The following IKZF2 variants were observed in gnomAD, a reference collection of about 807,000 sequenced individuals.
IKZF2 encodes the protein IKAROS family zinc finger 2, also known as zinc finger protein Helios.
In IKZF2, 15 loss-of-function variants were observed where a neutral mutation model predicts 49.2. The ratio of observed to expected loss-of-function variants is 0.30; its 90% confidence interval spans 0.20 to 0.47. The LOEUF (loss-of-function observed/expected upper bound fraction) is 0.47. Among genes scored for constraint, IKZF2 ranks in the 20% least tolerant of loss-of-function variants. IKZF2 has a pLI of 1.00. For synonymous variants in IKZF2, 227 were observed against 221.4 expected (o/e 1.03, Z -0.23); for missense variants, 567 against 664.6 (o/e 0.85, Z 1.61).
At chr2:213,132,152 C>T (rs1019633913) in intron 4 of IKZF2, among the ~76,000 whole-genome samples, 1 of 151,978 alleles carries the variant, frequency 6.6e-6, no homozygotes, top group Non-Finnish European at 1.5e-5. Context: ...AGATACTATC[C>T]CAGTCGGTTA....
Position 213,000,192 on chromosome 2 carries a change from CTACAT to C in IKZF2, c.*7163_*7167del, listed in dbSNP as rs1264292692. The C allele has an allele frequency of 7.1e-6, 1 of 141,442 alleles. No homozygotes were observed. Among genetic ancestry groups the C allele is most frequent in the Non-Finnish European group, 1.6e-5 (1 of 63,832 alleles). The allele number at this position is 141,442 out of a possible 1,614,324, so 8.8% of individuals were successfully genotyped here. On this transcript the variant is annotated 3_prime_UTR_variant, in exon 9 of 9. Coordinates refer to ENST00000434687, the MANE Select transcript of IKZF2 (RefSeq NM_001387220.1). ...GTATGGTATTTGAGCCTTAAAAAAA[CTACAT>C]TACACTTAGCAAACCTGACATACAA...
At chr2:213,028,249 A>G (rs918362006) in intron 6 of IKZF2, among the ~76,000 whole-genome samples, 10 of 152,094 alleles carry the variant, frequency 6.6e-5, no homozygotes, top group Non-Finnish European at 1.5e-4. Context: ...ATTAACCTCT[A>G]TGTCTATACT....
chr2:213,051,955 ACCT>A (rs1700715463), intron 5 of IKZF2, among the ~76,000 whole-genome samples: 1 of 151,902 alleles, frequency 6.6e-6, no homozygotes. Flanking sequence ...TTTCCTTTAA[ACCT>A]CCTACAATGT....
At chr2:213,045,021 T>C (rs1325274678) in intron 6 of IKZF2, among the ~76,000 whole-genome samples, 1 of 152,222 alleles carries the variant, frequency 6.6e-6, no homozygotes, top group Non-Finnish European at 1.5e-5. Context: ...TATTTCAACA[T>C]GTAGCACTAG....
At chr2:213,080,154 A>T (rs1369365767) in intron 4 of IKZF2, among the ~76,000 whole-genome samples, 2 of 152,070 alleles carry the variant, frequency 1.3e-5, no homozygotes, top group African/African-American at 4.8e-5. Context: ...TTTACCCTGA[A>T]GTATATATTT....
intron 6 of IKZF2, among the ~76,000 whole-genome samples, chr2:213,043,333 C>A (rs941153958): frequency 6.6e-6 from 1 of 152,006 alleles, no homozygotes; most frequent in Non-Finnish European, 1.5e-5. Flanking sequence ...TTGTTACCAA[C>A]CTACTAAATG....
At chr2:213,067,155 C>T (rs1702238765) in intron 4 of IKZF2, among the ~76,000 whole-genome samples, 1 of 152,032 alleles carries the variant, frequency 6.6e-6, no homozygotes, top group African/African-American at 2.4e-5. Context: ...ACAACAGCTG[C>T]CTCCTAGGGT....
intron 5 of IKZF2, among the ~76,000 whole-genome samples, chr2:213,050,386 C>T (rs1440167485): frequency 6.6e-6 from 1 of 152,116 alleles, no homozygotes; most frequent in African/African-American, 2.4e-5. Flanking sequence ...CTTTCTTTTA[C>T]CATGCTATCT....
At chr2:213,045,171 C>T (rs1328402984) in intron 6 of IKZF2, among the ~76,000 whole-genome samples, 1 of 152,076 alleles carries the variant, frequency 6.6e-6, no homozygotes, top group African/African-American at 2.4e-5. Flanking sequence ...AGTAGTGAAA[C>T]CATCAGAAAA....
intron 4 of IKZF2, among the ~76,000 whole-genome samples, chr2:213,082,866 T>C (rs1237651770): frequency 6.6e-6 from 1 of 152,200 alleles, no homozygotes; most frequent in Non-Finnish European, 1.5e-5. Flanking sequence ...TTCACTACTT[T>C]TGACAGTTCA....
chr2:213,142,017 T>C (rs1473776433), intron 4 of IKZF2, among the ~76,000 whole-genome samples: 1 of 152,050 alleles, frequency 6.6e-6, no homozygotes, highest in Non-Finnish European at 1.5e-5. Flanking sequence ...TGAGAATTTA[T>C]GGTACTACCA....
At chr2:213,033,108 A>G (rs1374106443) in intron 6 of IKZF2, among the ~76,000 whole-genome samples, 1 of 152,230 alleles carries the variant, frequency 6.6e-6, no homozygotes. Flanking sequence ...TTCGATCTCA[A>G]GAAACCACTT....
At chr2:213,152,116 T>TA (rs1473214138), upstream of IKZF2, 1 of 152,152 alleles carries the variant, frequency 6.6e-6, no homozygotes, top group Non-Finnish European at 1.5e-5. Flanking sequence ...CGTGTCATAA[T>TA]AAATCTCACG....
At chr2:213,046,397 A>C (rs12612034) in intron 6 of IKZF2, among the ~76,000 whole-genome samples, 56,491 of 152,028 alleles carry the variant, frequency 0.37, 13,000 homozygotes, top group East Asian at 0.67. Context: ...GTATGGCCTC[A>C]TGGGGTATTC....
At chr2:213,053,040 TTGTC>T (rs1700821364) in intron 5 of IKZF2, among the ~76,000 whole-genome samples, 1 of 152,094 alleles carries the variant, frequency 6.6e-6, no homozygotes, top group African/African-American at 2.4e-5. Context: ...AGTTTAGACT[TTGTC>T]TGAAAAAAAT....
intron 4 of IKZF2, among the ~76,000 whole-genome samples, chr2:213,141,756 A>C (rs1157295139): frequency 6.6e-6 from 1 of 151,960 alleles, no homozygotes; most frequent in Non-Finnish European, 1.5e-5. Flanking sequence ...GTCCCACTAG[A>C]GTATGAGTTC....
intron 4 of IKZF2, among the ~76,000 whole-genome samples, chr2:213,088,094 A>G (rs945089456): frequency 6.6e-6 from 1 of 152,164 alleles, no homozygotes; most frequent in Non-Finnish European, 1.5e-5. Context: ...GTCTTCCACA[A>G]TGGTTGAACT....
chr2:213,124,640 A>T (rs2060197878), intron 4 of IKZF2, among the ~76,000 whole-genome samples: 3 of 152,246 alleles, frequency 2.0e-5, no homozygotes, highest in African/African-American at 4.8e-5. Context: ...TCAGTTTCCC[A>T]TGTGTAGAAA....
At chr2:213,101,014 T>C (rs571978643) in intron 4 of IKZF2, among the ~76,000 whole-genome samples, 11 of 151,694 alleles carry the variant, frequency 7.3e-5, no homozygotes, top group African/African-American at 2.4e-4. Flanking sequence ...TGGGCTGCCA[T>C]GGTAGAAAGA....
Sources: gnomAD v4.1 joint callset for allele counts (sites outside exome capture counted in the v4.1 genomes callset) on GRCh38, gnomAD v4.1.1 for gene constraint, MANE v1.5 for transcripts, NCBI Gene and HGNC (gene_info 2026-07-23, HGNC 2026-07-21) for gene names.